MAP3K2: variants seen among roughly 807,000 people sequenced by gnomAD.
MAP3K2 encodes the protein mitogen-activated protein kinase kinase kinase 2, also known as MAP/ERK kinase kinase 2.
A neutral mutation model predicts 80.3 loss-of-function variants in MAP3K2; 24 were observed. The observed-to-expected ratio is 0.30, with a 90% confidence interval of 0.22 to 0.42. MAP3K2 has a LOEUF of 0.42. Among genes scored for constraint, MAP3K2 ranks in the 10% least tolerant of loss-of-function variants. MAP3K2 has a pLI of 1.00. For synonymous variants in MAP3K2, 244 were observed against 253.7 expected (o/e 0.96, Z 0.36); for missense variants, 608 against 750.1 (o/e 0.81, Z 2.21).
Position 127,310,998 on chromosome 2 carries a change from G to A in MAP3K2, c.1457-2236C>T, listed in dbSNP as rs1046575847. ...TCTCTTACCCTTTTCTTAAAAAACG[G>A]TCTCTAAGAAGGAGACTGAATAGTG... On this transcript the variant is annotated intron_variant, in intron 15 of 16. Coordinates refer to ENST00000682094, the MANE Select transcript of MAP3K2 (RefSeq NM_001371910.2). The surrounding 1 kb of genome is among the most constrained non-coding windows in gnomAD (Gnocchi z 4.8). 6.6e-6 allele frequency among the ~76,000 whole-genome samples: 1 copy of A among 151,834 alleles called. No individual in the cohort carries two copies. The highest frequency in any genetic ancestry group is 1.5e-5 in the Non-Finnish European group (1 of 67,992).
chr2:127,378,428 A>G lies in MAP3K2; in HGVS notation c.-66+9024T>C, dbSNP rs148690791. Among the ~76,000 whole-genome samples, 267 of 152,358 alleles carry G rather than the reference A, an allele frequency of 1.8e-3. 1 individual carries two copies. The highest frequency in any genetic ancestry group is 0.01 in the Middle Eastern group (3 of 294). On this transcript the variant is annotated intron_variant, in intron 1 of 16. Coordinates refer to ENST00000682094, the MANE Select transcript of MAP3K2 (RefSeq NM_001371910.2). ...AACAAATTACTGAACATTCACCACT[A>G]GTGAAGCTTACTTTTTATCAAACCA...
Position 127,337,731 on chromosome 2 carries a change from TC to T in MAP3K2, c.164+6del, listed in dbSNP as rs1161681326. 11 of 1,473,086 alleles carry T rather than the reference TC, an allele frequency of 7.5e-6. No individual in the cohort carries two copies. Among genetic ancestry groups the T allele is most frequent in the Admixed American group, 6.3e-5 (3 of 47,298 alleles). The allele number at this position is 1,473,086 out of a possible 1,614,324, so 91.3% of individuals were successfully genotyped here. On this transcript the variant is annotated splice_donor_region_variant and intron_variant, in intron 4 of 16. Coordinates refer to ENST00000682094, the MANE Select transcript of MAP3K2 (RefSeq NM_001371910.2). The stretch of plus-strand genomic sequence containing the variant: ...AATTAATTAACATGTAATGTTTCCT[TC>T]CTTACCTTTTTTCTCCTCTATGTTC...
intron 1 of MAP3K2, among the ~76,000 whole-genome samples, chr2:127,378,540 A>G (rs1243837234): frequency 2.0e-5 from 3 of 152,228 alleles, no homozygotes; most frequent in South Asian, 2.1e-4. Context: ...ATAAAATAAC[A>G]TTCAGTTTAA....
chr2:127,343,950 G>A (rs1020670887), intron 1 of MAP3K2, among the ~76,000 whole-genome samples: 2 of 152,146 alleles, frequency 1.3e-5, no homozygotes, highest in Non-Finnish European at 2.9e-5. Context: ...GAGCCTGGGA[G>A]GTTGAGGTTG....
At chr2:127,361,865 T>C (rs34832797) in intron 1 of MAP3K2, among the ~76,000 whole-genome samples, 57,316 of 152,070 alleles carry the variant, frequency 0.38, 11,528 homozygotes, top group East Asian at 0.62. Flanking sequence ...TACAAACCCA[T>C]GTCCTTGTTT....
At chr2:127,313,578 C>T (rs1410064407) in intron 15 of MAP3K2, among the ~76,000 whole-genome samples, 2 of 152,090 alleles carry the variant, frequency 1.3e-5, no homozygotes, top group Non-Finnish European at 2.9e-5. Flanking sequence ...GTAAGAGTCC[C>T]CAGCAAGACC....
At chr2:127,343,806 C>G (rs2104850621) in intron 1 of MAP3K2, among the ~76,000 whole-genome samples, 1 of 152,104 alleles carries the variant, frequency 6.6e-6, no homozygotes, top group African/African-American at 2.4e-5. Flanking sequence ...TTGCTTGAGC[C>G]CAGGAGTTCG....
At chr2:127,334,401 T>C (rs1686324482) in intron 5 of MAP3K2, among the ~76,000 whole-genome samples, 1 of 152,212 alleles carries the variant, frequency 6.6e-6, no homozygotes, top group Non-Finnish European at 1.5e-5. Context: ...ATAATCATCC[T>C]ATGAGATAAT....
intron 1 of MAP3K2, among the ~76,000 whole-genome samples, chr2:127,377,769 T>C (rs1373617849): frequency 6.6e-6 from 1 of 152,224 alleles, no homozygotes; most frequent in Non-Finnish European, 1.5e-5. Flanking sequence ...CCAGAAGACA[T>C]GTCTTTATAA....
chr2:127,371,094 A>C lies in MAP3K2; in HGVS notation c.-66+16358T>G, dbSNP rs187053087. Among the ~76,000 whole-genome samples the C allele has an allele frequency of 9.0e-3, 1,372 of 152,362 alleles. 15 individuals are homozygous for C. Among genetic ancestry groups the C allele is most frequent in the Middle Eastern group, 0.088 (26 of 294 alleles). ...ATAAAAAGCTAAGAAAAAGCATTAA[A>C]GAAAACAGAGCCGCTAGCCCATTTC... On this transcript the variant is annotated intron_variant, in intron 1 of 16. Coordinates refer to ENST00000682094, the MANE Select transcript of MAP3K2 (RefSeq NM_001371910.2).
chr2:127,347,342 GAAAC>G (rs1373071568), intron 1 of MAP3K2, among the ~76,000 whole-genome samples: 36 of 152,092 alleles, frequency 2.4e-4, no homozygotes, highest in African/African-American at 8.2e-4. Context: ...GAAAACCTAA[GAAAC>G]AAACAAAAAC....
chr2:127,328,547 G>A (rs1025367069), intron 7 of MAP3K2, among the ~76,000 whole-genome samples: 1 of 152,152 alleles, frequency 6.6e-6, no homozygotes, highest in African/African-American at 2.4e-5. Context: ...TTGAATTTGG[G>A]TGTTTCAAAT....
chr2:127,307,448 A>G lies in MAP3K2; in HGVS notation c.*131T>C. The G allele has an allele frequency of 2.1e-6, 1 of 485,670 alleles. No homozygotes were observed. Among genetic ancestry groups the G allele is most frequent in the Non-Finnish European group, 3.7e-6 (1 of 273,214 alleles). The allele number at this position is 485,670 out of a possible 1,614,324, so 30.1% of individuals were successfully genotyped here. On this transcript the variant is annotated 3_prime_UTR_variant, in exon 17 of 17. Transcript: ENST00000682094. This position sits in a 1 kb window ranked among gnomAD's most constrained non-coding sequence, Gnocchi z 5.4. ...ATTAAACAAATTTAACCAAGAATCA[A>G]GAGAAATACTTTCCCTCTTGTCTTT...
intron 1 of MAP3K2, among the ~76,000 whole-genome samples, chr2:127,366,866 GTTTTTTTTTTTT>G (rs367670762): frequency 4.7e-5 from 4 of 85,088 alleles, no homozygotes; most frequent in African/African-American, 8.5e-5. Context: ...ACAGTCAAGG[GTTTTTTTTTTTT>G]TTTTTTTTTT....
At chr2:127,346,305 C>T (rs1017237647) in intron 1 of MAP3K2, among the ~76,000 whole-genome samples, 5 of 148,536 alleles carry the variant, frequency 3.4e-5, no homozygotes, top group African/African-American at 1.2e-4. Flanking sequence ...TTTGAACAGA[C>T]CTATAAAAAG....
chr2:127,387,854 G>A lies in MAP3K2; in HGVS notation c.-468C>T, dbSNP rs1558994985. 11 of 984,996 alleles carry A rather than the reference G, an allele frequency of 1.1e-5. No individual in the cohort carries two copies. The highest frequency in any genetic ancestry group is 1.1e-5 in the Non-Finnish European group (9 of 829,752). 61.0% of individuals were successfully genotyped at this position (984,996 alleles called of 1,614,324 possible). On this transcript the variant is annotated 5_prime_UTR_variant, in exon 1 of 17. Transcript: ENST00000682094. The stretch of plus-strand genomic sequence containing the variant: ...AGGGGCGCCGAGCGTCCTGGTCGTT[G>A]TTTTCGTCGCCGCCGCGGGCCGTGC...
intron 1 of MAP3K2, among the ~76,000 whole-genome samples, chr2:127,383,896 T>G (rs1213688842): frequency 7.0e-6 from 1 of 142,616 alleles, no homozygotes; most frequent in African/African-American, 2.6e-5. Flanking sequence ...TTTTTTGAGA[T>G]GGAGTCTCGC....
chr2:127,358,933 T>A lies in MAP3K2; in HGVS notation c.-65-15739A>T, dbSNP rs566910940. ...CCAAAACAATAAAAAAAAAAAAAAA[T>A]TTTTAAAAGGCTAGATACTATTGAT... On this transcript the variant is annotated intron_variant, in intron 1 of 16. Transcript: ENST00000682094. Among the ~76,000 whole-genome samples the A allele has an allele frequency of 2.2e-3, 326 of 150,758 alleles. 1 individual carries two copies. The highest frequency in any genetic ancestry group is 5.7e-3 in the African/African-American group (236 of 41,106).
chr2:127,313,469 C>CT (rs1182904116), intron 15 of MAP3K2, among the ~76,000 whole-genome samples: 1 of 152,300 alleles, frequency 6.6e-6, no homozygotes, highest in East Asian at 1.9e-4. Flanking sequence ...GCATTCTACT[C>CT]TATCACCAGG....
Sources: allele counts gnomAD v4.1 joint callset (sites outside exome capture counted in the v4.1 genomes callset), GRCh38; gene constraint gnomAD v4.1.1; non-coding constraint Gnocchi (gnomAD v3.1); transcripts MANE v1.5; gene names NCBI Gene and HGNC (gene_info 2026-07-23, HGNC 2026-07-21).